Variants in SLC24A3 observed in about 807,000 individuals in gnomAD.
The protein encoded by SLC24A3 is sodium/potassium/calcium exchanger 3.
SLC24A3 carries 28 observed loss-of-function variants against 75.8 expected under a neutral mutation model. The observed-to-expected ratio is 0.37, with a 90% CI of 0.27 to 0.51. The LOEUF (loss-of-function observed/expected upper bound fraction) is 0.51, where lower values mean the gene tolerates loss of function less well. Among genes scored for constraint, SLC24A3 ranks in the 20% least tolerant of loss-of-function variants. SLC24A3 has a pLI of 0.94. For missense variants in SLC24A3, 663 were observed against 847.8 expected, an observed-to-expected ratio of 0.78 and a Z score of 2.71; for synonymous variants, 372 against 334.1, an observed-to-expected ratio of 1.11 and a Z score of -1.24.
At chr20:19,641,242 C>G (rs910875821) in intron 6 of SLC24A3, among the ~76,000 whole-genome samples, 5 of 152,126 alleles carry the variant, frequency 3.3e-5, no homozygotes, top group African/African-American at 1.2e-4. Context: ...CCCATATACC[C>G]ATCTGAGATC....
intron 10 of SLC24A3, among the ~76,000 whole-genome samples, chr20:19,682,317 G>C (rs2032624453): frequency 6.6e-6 from 1 of 152,200 alleles, no homozygotes; most frequent in Non-Finnish European, 1.5e-5. Context: ...AGAAGAAAGT[G>C]CTAGAATATG....
At chr20:19,458,761 C>T (rs771476902) in intron 2 of SLC24A3, among the ~76,000 whole-genome samples, 5 of 152,192 alleles carry the variant, frequency 3.3e-5, no homozygotes, top group Non-Finnish European at 7.3e-5. Flanking sequence ...GTATTTTTCA[C>T]AGTTGACTGA....
intron 2 of SLC24A3, among the ~76,000 whole-genome samples, chr20:19,344,356 T>A (rs1600439404): frequency 6.6e-6 from 1 of 151,888 alleles, no homozygotes; most frequent in East Asian, 2.1e-4. Flanking sequence ...ATCCTAGCCT[T>A]TTACACCTTT....
At chr20:19,662,949 T>C (rs1019111757) in intron 7 of SLC24A3, among the ~76,000 whole-genome samples, 1 of 152,202 alleles carries the variant, frequency 6.6e-6, no homozygotes, top group African/African-American at 2.4e-5. Flanking sequence ...CCAGTCCTAA[T>C]TTCCAGTCTT....
At chr20:19,611,139 G>A (rs1190639393) in intron 6 of SLC24A3, among the ~76,000 whole-genome samples, 1 of 152,192 alleles carries the variant, frequency 6.6e-6, no homozygotes, top group Non-Finnish European at 1.5e-5. Flanking sequence ...AGATCCAAGT[G>A]ACTGCCTCAC....
chr20:19,607,746 A>G (rs529819006), intron 6 of SLC24A3, among the ~76,000 whole-genome samples: 1 of 152,282 alleles, frequency 6.6e-6, no homozygotes, highest in East Asian at 1.9e-4. Flanking sequence ...GGACTGCCAA[A>G]GTCCCCTCAC....
chr20:19,512,693 A>C (rs2029905038), intron 2 of SLC24A3, among the ~76,000 whole-genome samples: 1 of 152,198 alleles, frequency 6.6e-6, no homozygotes, highest in Non-Finnish European at 1.5e-5. Context: ...GCAGTGAGGC[A>C]AGAGAATAGA....
chr20:19,387,182 A>T (rs1036429608), intron 2 of SLC24A3, among the ~76,000 whole-genome samples: 1 of 152,082 alleles, frequency 6.6e-6, no homozygotes, highest in East Asian at 1.9e-4. Flanking sequence ...TGTAGAATCT[A>T]TTGTAATGTT....
chr20:19,324,533 G>T (rs1036954086), intron 2 of SLC24A3, among the ~76,000 whole-genome samples: 1 of 152,182 alleles, frequency 6.6e-6, no homozygotes, highest in African/African-American at 2.4e-5. Context: ...CCCCAGGGTT[G>T]TCCTGGCCTT....
At position 19,411,681 on chromosome 20, in the gene SLC24A3, C is replaced by G. The variant is rs111801229; in HGVS notation, c.272-103807C>G. 5.4e-3 allele frequency among the ~76,000 whole-genome samples: 821 copies of G among 152,284 alleles called. 5 individuals carry two copies. The highest frequency in any genetic ancestry group is 0.019 in the African/African-American group (789 of 41,560). On this transcript the variant is annotated intron_variant, in intron 2 of 16. Transcript: ENST00000328041. ...ACTTGGAGGAGGGTCTCATTGGCTTCCCCTCAAAGCTTTGGCCACCTTTCA... is the reference window on the plus strand; with the variant it reads ...ACTTGGAGGAGGGTCTCATTGGCTTGCCCTCAAAGCTTTGGCCACCTTTCA...
chr20:19,548,211 G>A (rs1410911544), intron 3 of SLC24A3, among the ~76,000 whole-genome samples: 1 of 152,120 alleles, frequency 6.6e-6, no homozygotes, highest in African/African-American at 2.4e-5. Flanking sequence ...GCCTTACCTG[G>A]TATTATGTAT....
At chr20:19,478,957 C>T (rs1049791728) in intron 2 of SLC24A3, among the ~76,000 whole-genome samples, 7 of 152,230 alleles carry the variant, frequency 4.6e-5, no homozygotes, top group African/African-American at 7.2e-5. Flanking sequence ...CCTTCAAAAG[C>T]GAAGCATTGT....
At chr20:19,219,447 G>A (rs189464756) in intron 1 of SLC24A3, among the ~76,000 whole-genome samples, 1 of 152,274 alleles carries the variant, frequency 6.6e-6, no homozygotes, top group East Asian at 1.9e-4. Flanking sequence ...GTCTTCGAGG[G>A]ACACCGTGAT....
chr20:19,646,834 C>T (rs1225447915), intron 6 of SLC24A3, among the ~76,000 whole-genome samples: 1 of 121,586 alleles, frequency 8.2e-6, no homozygotes, highest in Non-Finnish European at 1.7e-5. Context: ...TTAAAAATTA[C>T]AAAACTCTGT....
intron 6 of SLC24A3, among the ~76,000 whole-genome samples, chr20:19,641,680 A>G (rs2032076880): frequency 6.6e-6 from 1 of 152,126 alleles, no homozygotes. Context: ...ATCTCATGTT[A>G]GAATTACTGG....
At chr20:19,551,685 G>A (rs2030697358) in intron 3 of SLC24A3, among the ~76,000 whole-genome samples, 1 of 152,100 alleles carries the variant, frequency 6.6e-6, no homozygotes, top group Non-Finnish European at 1.5e-5. Context: ...GGGCTGCCAT[G>A]CTCCTCGGCT....
intron 2 of SLC24A3, among the ~76,000 whole-genome samples, chr20:19,509,557 C>T (rs938856123): frequency 6.6e-6 from 1 of 152,218 alleles, no homozygotes; most frequent in Non-Finnish European, 1.5e-5. Flanking sequence ...ATCGCATGCC[C>T]CACACACACC....
At chr20:19,513,001 T>C (rs2029912085) in intron 2 of SLC24A3, among the ~76,000 whole-genome samples, 1 of 152,152 alleles carries the variant, frequency 6.6e-6, no homozygotes, top group Non-Finnish European at 1.5e-5. Flanking sequence ...CAGCATCCCA[T>C]CTCTAGCTTC....
intron 2 of SLC24A3, among the ~76,000 whole-genome samples, chr20:19,440,143 T>A (rs1987273527): frequency 6.6e-6 from 1 of 152,252 alleles, no homozygotes. Context: ...TGCATTTTCT[T>A]ATCTGGGTGA....
Sources: gnomAD v4.1 joint callset for allele counts (sites outside exome capture counted in the v4.1 genomes callset) on GRCh38, gnomAD v4.1.1 for gene constraint, MANE v1.5 for transcripts, NCBI Gene and HGNC (gene_info 2026-07-23, HGNC 2026-07-21) for gene names.